Variants in C9orf153 observed in about 807,000 individuals in gnomAD.
C9orf153 encodes uncharacterized protein C9orf153.
In C9orf153, 10 loss-of-function variants were observed where a neutral mutation model predicts 9.0. The observed-to-expected ratio is 1.11, with a 90% CI of 0.69 to 1.89. The LOEUF (loss-of-function observed/expected upper bound fraction) is 1.89. C9orf153 is among the 40% of genes most tolerant of loss of function. The pLI is 0.00. For synonymous variants in C9orf153, 35 were observed against 37.3 expected (o/e 0.94, Z 0.23); for missense variants, 108 against 111.0 (o/e 0.97, Z 0.12).
intron 1 of C9orf153, among the ~76,000 whole-genome samples, chr9:86,231,644 T>TACATGTATGTATATGC (rs1451971204): frequency 4.6e-5 from 7 of 151,836 alleles, no homozygotes; most frequent in African/African-American, 1.7e-4. Context: ...TATACATATA[T>TACATGTATGTATATGC]ATATAAAATC....
intron 3 of C9orf153, among the ~76,000 whole-genome samples, chr9:86,226,731 G>T (rs1308608967): frequency 6.6e-6 from 1 of 151,860 alleles, no homozygotes; most frequent in Non-Finnish European, 1.5e-5. Flanking sequence ...TTAAAATTCA[G>T]CATCATAAGT....
At chr9:86,239,043 C>T (rs62573363) in intron 1 of C9orf153, among the ~76,000 whole-genome samples, 24,201 of 151,492 alleles carry the variant, frequency 0.16, 2,239 homozygotes, top group East Asian at 0.46. Context: ...GGGCTGATCT[C>T]GAGGTCAGGA....
At chr9:86,222,377 C>A (rs1824224576) in intron 3 of C9orf153, among the ~76,000 whole-genome samples, 1 of 151,840 alleles carries the variant, frequency 6.6e-6, no homozygotes, top group Non-Finnish European at 1.5e-5. Context: ...CTGCAGAGCA[C>A]CGAAAGCAGC....
intron 1 of C9orf153, among the ~76,000 whole-genome samples, chr9:86,253,806 A>G (rs753694257): frequency 2.6e-5 from 4 of 152,142 alleles, no homozygotes; most frequent in Non-Finnish European, 5.9e-5. Context: ...TAAGACTACA[A>G]TTTGGCTGGG....
At chr9:86,226,968 G>T (rs953186428) in intron 3 of C9orf153, among the ~76,000 whole-genome samples, 5 of 152,114 alleles carry the variant, frequency 3.3e-5, no homozygotes, top group African/African-American at 1.2e-4. Flanking sequence ...GTTTCACCAT[G>T]TTGGCCAGGC....
intron 1 of C9orf153, among the ~76,000 whole-genome samples, chr9:86,253,819 T>C (rs752444784): frequency 2.6e-4 from 40 of 152,232 alleles, no homozygotes; most frequent in South Asian, 8.3e-4. Context: ...TGGCTGGGCG[T>C]GGTGGCTCAT....
intron 2 of C9orf153, chr9:86,228,995 G>T: frequency 3.7e-6 from 1 of 269,612 alleles, no homozygotes; most frequent in Non-Finnish European, 7.6e-6. Context: ...GAGGCGACAA[G>T]GGCCCGTGGA....
In C9orf153 at chr9:86,222,755, G is replaced by A. The variant is rs369557401; in HGVS notation, c.243-1022C>T. 2.7e-4 allele frequency among the ~76,000 whole-genome samples: 41 copies of A among 152,174 alleles called. 1 individual carries two copies. Among genetic ancestry groups the A allele is most frequent in the African/African-American group, 9.6e-4 (40 of 41,536 alleles). On this transcript the variant is annotated intron_variant, in intron 3 of 3. Coordinates refer to ENST00000339137, the MANE Select transcript of C9orf153 (RefSeq NM_001276366.4). Reference sequence around the variant, plus strand: ...TTGGAGTGTAAAACCAGGAGCCAACGGGCCACGGGAACAAGTATAAGGAGA... The same window carrying A: ...TTGGAGTGTAAAACCAGGAGCCAACAGGCCACGGGAACAAGTATAAGGAGA...
intron 2 of C9orf153, chr9:86,229,042 T>G (rs931307431): frequency 5.4e-6 from 1 of 185,690 alleles, no homozygotes; most frequent in Non-Finnish European, 1.2e-5. Flanking sequence ...TAATAGTCTG[T>G]TTTGTTAGTT....
At chr9:86,245,306 G>C (rs1226241985) in intron 1 of C9orf153, among the ~76,000 whole-genome samples, 1 of 152,170 alleles carries the variant, frequency 6.6e-6, no homozygotes, top group African/African-American at 2.4e-5. Context: ...ATTTGTAAGT[G>C]TAATATTCAG....
intron 1 of C9orf153, among the ~76,000 whole-genome samples, chr9:86,236,278 TG>T (rs1408970212): frequency 3.3e-5 from 5 of 151,990 alleles, no homozygotes; most frequent in African/African-American, 1.2e-4. Context: ...GGGCCAGGCG[TG>T]GTGTCTCATG....
chr9:86,258,350 A>AC (rs1301837894), intron 1 of C9orf153: 1 of 151,630 alleles, frequency 6.6e-6, no homozygotes, highest in Non-Finnish European at 1.5e-5. Flanking sequence ...TCAAAAAAAA[A>AC]AAAAAAAAAA....
At chr9:86,230,931 T>C (rs1007529606) in intron 1 of C9orf153, among the ~76,000 whole-genome samples, 3 of 152,148 alleles carry the variant, frequency 2.0e-5, no homozygotes, top group African/African-American at 7.2e-5. Context: ...CTTTGATCAA[T>C]AGCTTGTGGC....
chr9:86,247,714 AT>A (rs1200320268), intron 1 of C9orf153, among the ~76,000 whole-genome samples: 4 of 152,136 alleles, frequency 2.6e-5, no homozygotes, highest in Non-Finnish European at 5.9e-5. Context: ...AAAAAGAGCT[AT>A]TTTTATCCCA....
intron 1 of C9orf153, among the ~76,000 whole-genome samples, chr9:86,241,079 T>G (rs1462466716): frequency 1.3e-5 from 2 of 152,110 alleles, no homozygotes; most frequent in Non-Finnish European, 2.9e-5. Context: ...TCAGGTAACC[T>G]ATATATTGAG....
At chr9:86,250,256 G>A (rs563186280) in intron 1 of C9orf153, among the ~76,000 whole-genome samples, 1 of 152,266 alleles carries the variant, frequency 6.6e-6, no homozygotes, top group Non-Finnish European at 1.5e-5. Flanking sequence ...TATGAGTTCA[G>A]TTAATGAAAA....
At chr9:86,230,647 T>A (rs1824449669) in intron 1 of C9orf153, among the ~76,000 whole-genome samples, 1 of 152,228 alleles carries the variant, frequency 6.6e-6, no homozygotes, top group Non-Finnish European at 1.5e-5. Flanking sequence ...AACTTTCAGT[T>A]CATCTAAAGA....
At chr9:86,256,112 A>G (rs1410614000) in intron 1 of C9orf153, among the ~76,000 whole-genome samples, 1 of 152,242 alleles carries the variant, frequency 6.6e-6, no homozygotes. Context: ...GATGATTCTG[A>G]TGCGTGAAAT....
intron 2 of C9orf153, chr9:86,228,958 A>G (rs1824401198): frequency 1.1e-5 from 3 of 274,732 alleles, no homozygotes; most frequent in African/African-American, 4.5e-5. Flanking sequence ...ATATGGATGC[A>G]TTCTCAGTTA....
Sources: allele counts gnomAD v4.1 joint callset (sites outside exome capture counted in the v4.1 genomes callset), GRCh38; gene constraint gnomAD v4.1.1; transcripts MANE v1.5; gene names NCBI Gene and HGNC (gene_info 2026-07-23, HGNC 2026-07-21).